The following GRIA4 variants were observed in gnomAD, a reference collection of about 807,000 sequenced individuals.
The protein encoded by GRIA4 is glutamate receptor 4.
In GRIA4, 34 loss-of-function variants were observed where a neutral mutation model predicts 104.0. The observed-to-expected ratio is 0.33, with a 90% confidence interval of 0.25 to 0.44. GRIA4 has a LOEUF of 0.44. Among genes scored for constraint, GRIA4 ranks in the 20% least tolerant of loss-of-function variants. The pLI is 1.00. For missense variants in GRIA4, 750 were observed against 1,096.5 expected (o/e 0.68, Z 4.46); for synonymous variants, 386 against 381.9 (o/e 1.01, Z -0.13).
chr11:105,642,228 C>T (rs867920531), intron 3 of GRIA4, among the ~76,000 whole-genome samples: 1 of 152,114 alleles, frequency 6.6e-6, no homozygotes, highest in South Asian at 2.1e-4. Flanking sequence ...CACAACATGT[C>T]ACTTGCAAGA....
chr11:105,806,341 G>C (rs1458851864), intron 4 of GRIA4, among the ~76,000 whole-genome samples: 3 of 151,850 alleles, frequency 2.0e-5, no homozygotes, highest in African/African-American at 7.2e-5. Flanking sequence ...TCAGAACAGA[G>C]AGATAGAACA....
Sources: allele counts gnomAD v4.1 joint callset (sites outside exome capture counted in the v4.1 genomes callset), GRCh38; gene constraint gnomAD v4.1.1; transcripts MANE v1.5; gene names NCBI Gene and HGNC (gene_info 2026-07-23, HGNC 2026-07-21).